Variants in SEMA5B observed in about 807,000 individuals in gnomAD.
SEMA5B encodes the protein semaphorin 5B.
In SEMA5B, 66 loss-of-function variants were observed where a neutral mutation model predicts 135.0. The observed-to-expected ratio is 0.49, with a 90% CI of 0.40 to 0.60. The LOEUF (loss-of-function observed/expected upper bound fraction) is 0.60, where lower values mean the gene tolerates loss of function less well. SEMA5B is among the 20% of genes least tolerant of loss of function. The pLI is 0.00. For synonymous variants in SEMA5B, 690 were observed against 639.5 expected, an observed-to-expected ratio of 1.08 and a Z score of -1.19; for missense variants, 1,501 against 1,566.3, an observed-to-expected ratio of 0.96 and a Z score of 0.70.
chr3:122,966,988 G>A (rs138083277), intron 1 of SEMA5B, among the ~76,000 whole-genome samples: 251 of 147,142 alleles, frequency 1.7e-3, no homozygotes, highest in Middle Eastern at 3.9e-3. Flanking sequence ...GGGTTCAAGC[G>A]ATTCTCCTGC....
At chr3:122,968,196 T>C (rs1403289419) in intron 1 of SEMA5B, among the ~76,000 whole-genome samples, 3 of 152,248 alleles carry the variant, frequency 2.0e-5, no homozygotes, top group Admixed American at 2.0e-4. Flanking sequence ...AGAGTATTAG[T>C]GTAAAAAGGG....
chr3:122,978,673 C>A (rs1002084684), intron 1 of SEMA5B, among the ~76,000 whole-genome samples: 17 of 152,070 alleles, frequency 1.1e-4, no homozygotes, highest in African/African-American at 3.4e-4. Flanking sequence ...CAGACCCCTC[C>A]GCTGGGCAGC....
At chr3:122,963,831 TC>T in intron 1 of SEMA5B, among the ~76,000 whole-genome samples, 1 of 152,334 alleles carries the variant, frequency 6.6e-6, no homozygotes, top group South Asian at 2.1e-4. Flanking sequence ...CCAGGTTCTT[TC>T]TACCCTCTCA....
chr3:122,922,132 A>AG lies in SEMA5B; in HGVS notation c.1481-11dup. 1 of 1,522,562 alleles carries AG rather than the reference A, an allele frequency of 6.6e-7. No homozygotes were observed. Among genetic ancestry groups the AG allele is most frequent in the Non-Finnish European group, 8.9e-7 (1 of 1,129,142 alleles). 94.3% of individuals were successfully genotyped at this position (1,522,562 alleles called of 1,614,324 possible). A position where few individuals can be genotyped will look rare whatever the true frequency, so the allele number is the denominator to read the frequency against. On this transcript the variant is annotated splice_polypyrimidine_tract_variant and intron_variant, in intron 11 of 22. Transcript: ENST00000357599. ...AGGATGGTGCCCGACTCTGGAGGAG[A>AG]GGGGGAGCCAGACCAAGGTGGCCTT... is the stretch of plus-strand genomic sequence containing the variant.
intron 5 of SEMA5B, 33 bp from the exon 6 acceptor site, chr3:122,929,091 A>T (rs1157036677): frequency 6.3e-7 from 1 of 1,587,834 alleles, no homozygotes; most frequent in African/African-American, 1.3e-5. Flanking sequence ...CACAGACATC[A>T]CATGGCTGTG....
intron 1 of SEMA5B, among the ~76,000 whole-genome samples, chr3:123,026,663 G>A (rs1942807812): frequency 6.6e-6 from 1 of 152,068 alleles, no homozygotes; most frequent in South Asian, 2.1e-4. Context: ...CTCTGTGCCC[G>A]AGCGCCCCCC....
rs951098405 is a variant in SEMA5B at position 122,922,016 on chromosome 3, G to C, written c.1587C>G (p.Arg529=). The C allele has an allele frequency of 3.5e-5, 53 of 1,516,646 alleles. No homozygotes were observed. Among genetic ancestry groups the C allele is most frequent in the Non-Finnish European group, 4.6e-5 (52 of 1,135,334 alleles). The allele number at this position is 1,516,646 out of a possible 1,614,324, so 93.9% of individuals were successfully genotyped here. A position where few individuals can be genotyped will look rare whatever the true frequency, so the allele number is the denominator to read the frequency against. Residue 529 remains arginine, a synonymous_variant, in exon 12 of 23, where the codon CGC becomes CGG. Transcript: ENST00000357599. ...VLPPGRREPL[R]SLRILHSARA... ...GGGCGCTGTGCAGGATGCGCAGGCT[G>C]CGCAGGGGCTCGCGGCGCCCGGGGG...
intron 3 of SEMA5B, among the ~76,000 whole-genome samples, chr3:122,946,754 C>T (rs978630509): frequency 6.6e-6 from 1 of 152,090 alleles, no homozygotes; most frequent in African/African-American, 2.4e-5. Flanking sequence ...CCCTTCTGTG[C>T]CTGGCACAAA....
intron 3 of SEMA5B, among the ~76,000 whole-genome samples, chr3:122,944,961 G>T (rs1452539436): frequency 6.6e-6 from 1 of 152,132 alleles, no homozygotes; most frequent in Non-Finnish European, 1.5e-5. Flanking sequence ...CTTAGCAACT[G>T]ACTCACAGAA....
chr3:122,922,304 T>G lies in SEMA5B; in HGVS notation c.1416A>C (p.Ser472=). ...CCTGCACCAGGTCCACCACGAGGTG[T>G]GAGAAGCGCACGCTGTCCTGGGTGA... ...PCVTQDSVRF[S]HLVVDLVQAK... is the part of the protein sequence containing the mutation. The change falls in exon 11 of 23, where the codon TCA becomes TCC. Residue 472 remains serine (S), a synonymous_variant. Coordinates refer to ENST00000357599, the MANE Select transcript of SEMA5B (RefSeq NM_001031702.4). The G allele has an allele frequency of 1.2e-6, 2 of 1,614,060 alleles. No individual in the cohort carries two copies. Among genetic ancestry groups the G allele is most frequent in the Non-Finnish European group, 1.7e-6 (2 of 1,179,944 alleles).
At chr3:122,922,491 T>TG in intron 10 of SEMA5B, 44 bp from the exon 11 acceptor site, 1 of 1,526,652 alleles carries the variant, frequency 6.6e-7, no homozygotes, top group Non-Finnish European at 8.8e-7. Context: ...CCACCAGGGC[T>TG]GCCGCCATCC....
chr3:122,926,316 A>G, intron 9 of SEMA5B, 76 bp downstream of exon 9: 3 of 1,417,990 alleles, frequency 2.1e-6, no homozygotes, highest in Admixed American at 2.0e-5. Context: ...CATTTTATAG[A>G]TGAAGCCCAC....
intron 1 of SEMA5B, among the ~76,000 whole-genome samples, chr3:122,966,562 TA>T (rs58125120): frequency 0.04 from 5,691 of 143,604 alleles, 149 homozygotes; most frequent in Non-Finnish European, 0.052. Flanking sequence ...TTATTATTAT[TA>T]TTATTTTTTG....
At chr3:122,961,647 G>A (rs1435370408) in intron 1 of SEMA5B, among the ~76,000 whole-genome samples, 2 of 151,950 alleles carry the variant, frequency 1.3e-5, no homozygotes, top group Non-Finnish European at 2.9e-5. Context: ...TTTTGTAGAT[G>A]TGATCTCACT....
At chr3:122,992,102 C>A (rs1428942711) in intron 1 of SEMA5B, among the ~76,000 whole-genome samples, 1 of 152,092 alleles carries the variant, frequency 6.6e-6, no homozygotes, top group Admixed American at 6.5e-5. Context: ...AACAGAGGGT[C>A]CCTGGGTCCA....
chr3:122,935,686 C>CTTTTTTTTTTTTTTTTTTTTTTTTTT lies in SEMA5B; in HGVS notation c.474+3738_474+3739insAAAAAAAAAAAAAAAAAAAAAAAAAA, dbSNP rs147968317. ...CACTTTTTTTTCTTTTTCTTTCTTT[C>CTTTTTTTTTTTTTTTTTTTTTTTTTT]TTTTTTTTTTTTTTTTTTTTTTTTG... On this transcript the variant is annotated intron_variant, in intron 5 of 22. Coordinates refer to ENST00000357599, the MANE Select transcript of SEMA5B (RefSeq NM_001031702.4). Among the ~76,000 whole-genome samples, 42 of 70,258 alleles carry CTTTTTTTTTTTTTTTTTTTTTTTTTT rather than the reference C, an allele frequency of 6.0e-4. 1 individual carries two copies. Among genetic ancestry groups the CTTTTTTTTTTTTTTTTTTTTTTTTTT allele is most frequent in the East Asian group, 1.6e-3 (4 of 2,518 alleles). The allele number at this position is 70,258 out of a possible 152,430, so 46.1% of individuals were successfully genotyped here.
intron 1 of SEMA5B, among the ~76,000 whole-genome samples, chr3:122,982,014 C>T (rs546338278): frequency 5.9e-5 from 9 of 152,294 alleles, no homozygotes; most frequent in Admixed American, 2.6e-4. Flanking sequence ...AGGCTGGGAC[C>T]GTACAGTGGA....
chr3:122,996,959 TG>T (rs1942035242), intron 1 of SEMA5B, among the ~76,000 whole-genome samples: 1 of 152,190 alleles, frequency 6.6e-6, no homozygotes, highest in African/African-American at 2.4e-5. Context: ...GGTCCACCCT[TG>T]GGTTCTTTAC....
intron 1 of SEMA5B, among the ~76,000 whole-genome samples, chr3:123,000,038 T>A (rs1165025435): frequency 1.3e-5 from 2 of 152,062 alleles, no homozygotes; most frequent in East Asian, 3.9e-4. Flanking sequence ...TGAAACCCCA[T>A]CTCTACTAAA....
Sources: gnomAD v4.1 joint callset for allele counts (sites outside exome capture counted in the v4.1 genomes callset) on GRCh38, gnomAD v4.1.1 for gene constraint, MANE v1.5 for transcripts, NCBI Gene and HGNC (gene_info 2026-07-23, HGNC 2026-07-21) for gene names.